TMEM87A: variants seen among roughly 807,000 people sequenced by gnomAD.
The protein encoded by TMEM87A is Golgi-pH regulating cation channel.
TMEM87A carries 50 observed loss-of-function variants against 90.0 expected under a neutral mutation model. That is an observed-to-expected ratio of 0.56 (90% confidence interval 0.44 to 0.70). TMEM87A has a LOEUF of 0.70. Among genes scored for constraint, TMEM87A ranks in the 30% least tolerant of loss-of-function variants. The probability of loss-of-function intolerance (pLI) is 0.00; values close to 1 mark genes in which losing one functional copy is unlikely to be tolerated. For missense variants in TMEM87A, 577 were observed against 660.5 expected (o/e 0.87, Z 1.39); for synonymous variants, 226 against 226.7 (o/e 1.00, Z 0.03).
intron 15 of TMEM87A, chr15:42,226,509 C>T: frequency 3.1e-6 from 1 of 323,214 alleles, no homozygotes; most frequent in Non-Finnish European, 5.7e-6. Context: ...AATTTATTTC[C>T]ATAGTATGCC....
chr15:42,272,580 G>GGACT, intron 1 of TMEM87A: 1 of 238,334 alleles, frequency 4.2e-6, no homozygotes, highest in South Asian at 4.8e-5. Flanking sequence ...TCTGCTCACA[G>GGACT]GACTATACCT....
intron 6 of TMEM87A, among the ~76,000 whole-genome samples, chr15:42,248,032 T>C (rs932618327): frequency 1.3e-5 from 2 of 152,194 alleles, no homozygotes; most frequent in Non-Finnish European, 2.9e-5. Flanking sequence ...CTAGGTATTT[T>C]ATTCTCTTTG....
At chr15:42,224,020 G>A (rs757545803) in intron 15 of TMEM87A, among the ~76,000 whole-genome samples, 5 of 152,150 alleles carry the variant, frequency 3.3e-5, no homozygotes, top group Non-Finnish European at 5.9e-5. Context: ...TATTTCTTGA[G>A]CATGTGCCAG....
intron 14 of TMEM87A, 110 bp from the exon 15 acceptor site, chr15:42,227,019 T>C: frequency 9.8e-7 from 1 of 1,018,944 alleles, no homozygotes; most frequent in South Asian, 1.5e-5. Flanking sequence ...AAGTTATGTT[T>C]ACTAAGAGCC....
Position 42,237,623 on chromosome 15 carries a change from C to G in TMEM87A, c.685-8G>C, listed in dbSNP as rs2050795932. ...ACACATCACCATGAAAAACTGTTAT[C>G]AAATTGGGTAAAAGATAAAAAGGAG... On this transcript the variant is annotated splice_region_variant and splice_polypyrimidine_tract_variant and intron_variant, in intron 8 of 19. Coordinates refer to ENST00000389834, the MANE Select transcript of TMEM87A (RefSeq NM_015497.5). 6.4e-7 allele frequency: 1 copy of G among 1,556,656 alleles called. No individual in the cohort carries two copies. Among genetic ancestry groups the G allele is most frequent in the African/African-American group, 1.4e-5 (1 of 72,762 alleles).
chr15:42,239,678 A>G lies in TMEM87A; in HGVS notation c.676T>C (p.Leu226=), dbSNP rs1175989243. The G allele has an allele frequency of 6.2e-7, 1 of 1,613,572 alleles. No homozygotes were observed. Among genetic ancestry groups the G allele is most frequent in the Non-Finnish European group, 8.5e-7 (1 of 1,179,472 alleles). ...YEYLTLEDYP[L]MIFFMVMCIV... ...AATATAAAGTCACTTACAATCATCA[A>G]GGGATAGTCTTCAAGTGTGAGGTAT... is the stretch of plus-strand genomic sequence containing the variant. The change falls in exon 8 of 20, where the codon TTG becomes CTG. Residue 226 remains leucine, a synonymous_variant. Transcript: ENST00000389834.
rs1267447851 is a variant in TMEM87A, at chr15:42,261,187, A to T, written c.459+9T>A. Reference sequence around the variant, plus strand: ...TGCACTCTCAGAAATATATAATGAAAACAATTACCTCCTGTTTTTCTCCTA... The same window carrying T: ...TGCACTCTCAGAAATATATAATGAATACAATTACCTCCTGTTTTTCTCCTA... On this transcript the variant is annotated intron_variant, in intron 5 of 19. Transcript: ENST00000389834. The T allele has an allele frequency of 6.2e-7, 1 of 1,612,522 alleles. No individual in the cohort carries two copies. Among genetic ancestry groups the T allele is most frequent in the South Asian group, 1.1e-5 (1 of 90,748 alleles).
At chr15:42,228,328 C>G (rs8031735) in intron 13 of TMEM87A, among the ~76,000 whole-genome samples, 144,801 of 152,234 alleles carry the variant, frequency 0.95, 69,120 homozygotes, top group Non-Finnish European at 1. Context: ...ATATGTAAAA[C>G]CACTATAATA....
intron 6 of TMEM87A, chr15:42,258,797 T>C: frequency 6.9e-7 from 1 of 1,452,630 alleles, no homozygotes; most frequent in Admixed American, 2.9e-5. Flanking sequence ...GTTAAAATTC[T>C]GTACAAATAA....
chr15:42,247,956 T>C (rs2051010076), intron 6 of TMEM87A, among the ~76,000 whole-genome samples: 1 of 152,222 alleles, frequency 6.6e-6, no homozygotes, highest in Non-Finnish European at 1.5e-5. Flanking sequence ...TCCTCTTTTA[T>C]TTCTTTGAGC....
chr15:42,227,042 A>G lies in TMEM87A; in HGVS notation c.1300-133T>C, dbSNP rs1056575514. The G allele has an allele frequency of 3.8e-6, 3 of 779,718 alleles. No individual in the cohort carries two copies. In the African/African-American group the frequency reaches 5.2e-5, roughly 14 times the overall value. The allele number at this position is 779,718 out of a possible 1,614,324, so 48.3% of individuals were successfully genotyped here. A position where few individuals can be genotyped will look rare whatever the true frequency, so the allele number is the denominator to read the frequency against. Reference sequence around the variant, plus strand: ...TTTACTAAGAGCCTGCTACGTGCTCAGTACTGTGGTAAGTGTGGGGAAACA... The same window carrying G: ...TTTACTAAGAGCCTGCTACGTGCTCGGTACTGTGGTAAGTGTGGGGAAACA... On this transcript the variant is annotated intron_variant, in intron 14 of 19. Coordinates refer to ENST00000389834, the MANE Select transcript of TMEM87A (RefSeq NM_015497.5).
chr15:42,214,164 T>G (rs1420303901), intron 19 of TMEM87A, among the ~76,000 whole-genome samples: 1 of 151,954 alleles, frequency 6.6e-6, no homozygotes, highest in Non-Finnish European at 1.5e-5. Flanking sequence ...TACAACAAGA[T>G]TCCATCAGTA....
At chr15:42,247,649 T>G (rs1256977294) in intron 6 of TMEM87A, among the ~76,000 whole-genome samples, 2 of 152,216 alleles carry the variant, frequency 1.3e-5, no homozygotes, top group Non-Finnish European at 2.9e-5. Flanking sequence ...GGTCTATATG[T>G]CTGTTTTGGT....
At chr15:42,264,512 G>T (rs990504848) in intron 3 of TMEM87A, among the ~76,000 whole-genome samples, 10 of 151,642 alleles carry the variant, frequency 6.6e-5, no homozygotes, top group Admixed American at 2.0e-4. Flanking sequence ...AGATTTACTT[G>T]ACCAAATTAA....
chr15:42,252,610 A>C lies in TMEM87A; in HGVS notation c.504+8348T>G, dbSNP rs2140966030. Among the ~76,000 whole-genome samples the C allele has an allele frequency of 2.0e-5, 3 of 152,112 alleles. No individual in the cohort carries two copies. The East Asian group carries it at 5.8e-4, about 29-fold the overall frequency. On this transcript the variant is annotated intron_variant, in intron 6 of 19. Coordinates refer to ENST00000389834, the MANE Select transcript of TMEM87A (RefSeq NM_015497.5). ...ATGAATTCCTATTATGTGGATGTTG[A>C]TACACCTGAGGGTGTCCCATAGGTC...
At chr15:42,258,218 T>C (rs1008266694) in intron 6 of TMEM87A, 2 of 939,126 alleles carry the variant, frequency 2.1e-6, no homozygotes, top group Non-Finnish European at 2.5e-6. Flanking sequence ...CCATGTTATA[T>C]TGCTAAGCTA....
intron 10 of TMEM87A, among the ~76,000 whole-genome samples, chr15:42,236,053 T>G (rs1012195986): frequency 6.6e-6 from 1 of 152,184 alleles, no homozygotes; most frequent in Non-Finnish European, 1.5e-5. Flanking sequence ...TTCGGAAGTA[T>G]GGAATACATT....
At chr15:42,218,468 T>C in intron 17 of TMEM87A, 90 bp from the exon 18 acceptor site, 1 of 1,286,958 alleles carries the variant, frequency 7.8e-7, no homozygotes, top group Middle Eastern at 1.9e-4. Flanking sequence ...TTGTCTTTCA[T>C]AATTCTGTAG....
intron 19 of TMEM87A, among the ~76,000 whole-genome samples, chr15:42,213,795 T>C (rs1243224643): frequency 2.6e-5 from 4 of 152,134 alleles, no homozygotes; most frequent in African/African-American, 9.7e-5. Flanking sequence ...TAACTGTTTT[T>C]TTTTCTAATG....
Sources: allele counts gnomAD v4.1 joint callset (sites outside exome capture counted in the v4.1 genomes callset), GRCh38; gene constraint gnomAD v4.1.1; transcripts MANE v1.5; gene names NCBI Gene and HGNC (gene_info 2026-07-23, HGNC 2026-07-21).